KCNQ2: variants seen among roughly 807,000 people sequenced by gnomAD.
KCNQ2 encodes potassium voltage-gated channel subfamily Q member 2, also known as potassium voltage-gated channel subfamily KQT member 2.
A neutral mutation model predicts 84.8 loss-of-function variants in KCNQ2; 14 were observed. The observed-to-expected ratio is 0.17, with a 90% CI of 0.11 to 0.26. KCNQ2 has a LOEUF of 0.26. Ranked by LOEUF, KCNQ2 falls within the 10% of genes least tolerant of loss-of-function variation. The pLI, the probability that KCNQ2 is intolerant of heterozygous loss-of-function variation, is 1.00. For synonymous variants in KCNQ2, 599 were observed against 554.1 expected (o/e 1.08, Z -1.14); for missense variants, 788 against 1,254.0 (o/e 0.63, Z 5.61).
rs1600750516 is a variant in KCNQ2 at position 63,438,553 on chromosome 20, C to T, written c.1023+72G>A. On this transcript the variant is annotated intron_variant, in intron 7 of 16. Transcript: ENST00000359125. This position sits in a 1 kb window ranked among gnomAD's most constrained non-coding sequence, Gnocchi z 5.1. ...AGACAGGGCAATGCCAAAGCCCCAG[C>T]GGCCTCCACTCCTCAACAAGGTGGG... 2.0e-5 allele frequency: 25 copies of T among 1,277,254 alleles called. No individual in the cohort carries two copies. In the Middle Eastern group the frequency reaches 9.9e-4, roughly 51 times the overall value. The allele number at this position is 1,277,254 out of a possible 1,614,324, so 79.1% of individuals were successfully genotyped here. A position where few individuals can be genotyped will look rare whatever the true frequency, so the allele number is the denominator to read the frequency against.
chr20:63,458,470 C>T (rs1272297627), intron 1 of KCNQ2, among the ~76,000 whole-genome samples: 1 of 152,224 alleles, frequency 6.6e-6, no homozygotes, highest in Non-Finnish European at 1.5e-5. Context: ...TCCTCTCCTA[C>T]CCGCAGGTCC....
intron 4 of KCNQ2, among the ~76,000 whole-genome samples, chr20:63,443,265 T>TCAC (rs2081292485): frequency 2.7e-4 from 2 of 7,374 alleles, no homozygotes; most frequent in Non-Finnish European, 5.9e-4. Flanking sequence ...ATCGCCACCA[T>TCAC]CATCACCACC....
intron 15 of KCNQ2, 59 bp downstream of exon 15, chr20:63,413,391 T>C: frequency 6.2e-7 from 1 of 1,605,484 alleles, no homozygotes; most frequent in Non-Finnish European, 8.5e-7. Flanking sequence ...ACAGTGGGCT[T>C]TGTCCCAGAA....
At chr20:63,435,750 GTGAACGGCTGCCAACTCTGGTT>G (rs1381600773) in intron 7 of KCNQ2, among the ~76,000 whole-genome samples, 1 of 152,238 alleles carries the variant, frequency 6.6e-6, no homozygotes, top group Non-Finnish European at 1.5e-5. Context: ...ATCTCAACCA[GTGAACGGCTGCCAACTCTGGTT>G]TTCAGCCTCA....
At chr20:63,456,720 GGCCCACGT>G (rs1339656988) in intron 1 of KCNQ2, among the ~76,000 whole-genome samples, 1 of 152,184 alleles carries the variant, frequency 6.6e-6, no homozygotes, top group African/African-American at 2.4e-5. Flanking sequence ...GACTCTCAGA[GGCCCACGT>G]GCGGATTGGC....
At position 63,415,764 on chromosome 20, in the gene KCNQ2, G is replaced by A. The variant is rs577710999; in HGVS notation, c.1302-638C>T. 8.5e-5 allele frequency among the ~76,000 whole-genome samples: 13 copies of A among 152,288 alleles called. No individual in the cohort carries two copies. In the South Asian group the frequency reaches 2.5e-3, roughly 29 times the overall value. On this transcript the variant is annotated intron_variant, in intron 12 of 16. Transcript: ENST00000359125. ...AACGGGCATCCCAAACACCGGGGCTGTGGCTCTTCCTCGGGCACCTCTGTC... is the reference window on the plus strand; with the variant it reads ...AACGGGCATCCCAAACACCGGGGCTATGGCTCTTCCTCGGGCACCTCTGTC...
chr20:63,453,149 G>C lies in KCNQ2; in HGVS notation c.297-6312C>G, dbSNP rs114414541. On this transcript the variant is annotated intron_variant, in intron 1 of 16. Coordinates refer to ENST00000359125, the MANE Select transcript of KCNQ2 (RefSeq NM_172107.4). ...GTGGACGTCGGCACAGCAGCACCAG[G>C]AAGGCCCTGTGTCGGGCACCCCAGG... 7.6e-3 allele frequency among the ~76,000 whole-genome samples: 1,157 copies of C among 152,260 alleles called. 14 individuals carry two copies. The highest frequency in any genetic ancestry group is 0.026 in the African/African-American group (1,099 of 41,538).
chr20:63,431,349 C>T lies in KCNQ2; in HGVS notation c.1139G>A (p.Gly380Glu). The T allele has an allele frequency of 6.2e-7, 1 of 1,613,740 alleles. No homozygotes were observed. The highest frequency in any genetic ancestry group is 8.5e-7 in the Non-Finnish European group (1 of 1,179,920). The change falls in exon 9 of 17, where the codon GGG becomes GAG. Residue 380 changes from glycine (G) to glutamate (E), a missense_variant. By Grantham distance (98) the Gly-to-Glu change is moderately conservative (BLOSUM62 -2). Around this residue, in one of 8 missense-constraint regions of KCNQ2, gnomAD observed 202 missense variants for 239.4 expected, o/e 0.84. Transcript: ENST00000359125. ...TCCATGCATTTCCTACCTGGAGGCC[C>T]CGTAGGTTTGAGTTTGCGAACTTTC... ...PMYSSQTQTY[G>E]ASRLIPPLNQ... is the part of the protein sequence containing the mutation.
At chr20:63,455,496 G>A (rs2081756146) in intron 1 of KCNQ2, among the ~76,000 whole-genome samples, 1 of 152,192 alleles carries the variant, frequency 6.6e-6, no homozygotes, top group African/African-American at 2.4e-5. Context: ...GCCATGGCGG[G>A]GATCAGGCAC....
At chr20:63,415,452 C>T (rs1202305202) in intron 12 of KCNQ2, among the ~76,000 whole-genome samples, 2 of 95,434 alleles carry the variant, frequency 2.1e-5, no homozygotes, top group Non-Finnish European at 4.3e-5. Flanking sequence ...GGGGAGGCCA[C>T]GGGGACCGAG....
chr20:63,455,988 G>A (rs576321882), intron 1 of KCNQ2, among the ~76,000 whole-genome samples: 2 of 64,412 alleles, frequency 3.1e-5, no homozygotes, highest in South Asian at 9.0e-4. Context: ...CCTCCGGGAG[G>A]CCCCTCTGCT....
chr20:63,426,060 C>T (rs1015829863), intron 10 of KCNQ2, among the ~76,000 whole-genome samples: 10 of 152,316 alleles, frequency 6.6e-5, no homozygotes, highest in Middle Eastern at 3.4e-3. Context: ...GATCGTTCCC[C>T]GTTTCCTAAA....
intron 12 of KCNQ2, among the ~76,000 whole-genome samples, chr20:63,417,790 C>T (rs867988555): frequency 1.3e-5 from 2 of 152,222 alleles, no homozygotes; most frequent in African/African-American, 2.4e-5. Flanking sequence ...GGGGACCCCC[C>T]GCTGACCACG....
chr20:63,434,229 A>G (rs1020707694), intron 7 of KCNQ2: 7 of 382,358 alleles, frequency 1.8e-5, no homozygotes, highest in Non-Finnish European at 2.8e-5. Flanking sequence ...CCTGGCGGGT[A>G]TCACCTGTCC....
In KCNQ2 at chr20:63,401,175, A is replaced by C; in HGVS notation, c.*5469T>G. The C allele has an allele frequency of 3.3e-6, 1 of 306,304 alleles. No homozygotes were observed. 19.0% of individuals were successfully genotyped at this position (306,304 alleles called of 1,614,324 possible). A position where few individuals can be genotyped will look rare whatever the true frequency, so the allele number is the denominator to read the frequency against. On this transcript the variant is annotated 3_prime_UTR_variant, in exon 17 of 17. Coordinates refer to ENST00000359125, the MANE Select transcript of KCNQ2 (RefSeq NM_172107.4). Reference sequence around the variant, plus strand: ...CCCAGAGCACACTCAACTCCACCCCACAAACGCCTTTTAAAACTCTGAAGA... The same window carrying C: ...CCCAGAGCACACTCAACTCCACCCCCCAAACGCCTTTTAAAACTCTGAAGA...
intron 1 of KCNQ2, among the ~76,000 whole-genome samples, chr20:63,453,351 C>G (rs1387770584): frequency 6.6e-6 from 1 of 152,358 alleles, no homozygotes; most frequent in East Asian, 1.9e-4. Context: ...GTGCCGAGGC[C>G]CAGGCAGACA....
rs911372931 is a variant in KCNQ2 at position 63,410,866 on chromosome 20, G to A, written c.1764-2330C>T. On this transcript the variant is annotated intron_variant, in intron 15 of 16. Coordinates refer to ENST00000359125, the MANE Select transcript of KCNQ2 (RefSeq NM_172107.4). ...TGCCCTGAGCTGTCAGGGAAGGCCA[G>A]GGGTCTATGCTCAGCCTCCAGGCCT... 4 of 356,846 alleles carry A rather than the reference G, an allele frequency of 1.1e-5. No homozygotes were observed. The Admixed American group carries it at 1.1e-4, about 10-fold the overall frequency. The allele number at this position is 356,846 out of a possible 1,614,324, so 22.1% of individuals were successfully genotyped here. A position where few individuals can be genotyped will look rare whatever the true frequency, so the allele number is the denominator to read the frequency against.
rs1444063910 is a variant in KCNQ2, at chr20:63,404,370, GTGGGGC to G, written c.*2268_*2273del. On this transcript the variant is annotated 3_prime_UTR_variant, in exon 17 of 17. Transcript: ENST00000359125. Reference sequence around the variant, plus strand: ...ACCTTGGGGGGGGAGGAAAGAGCAGGTGGGGCCATACTGGTGGGGGAGGAAAGAGCA... The same window carrying G: ...ACCTTGGGGGGGGAGGAAAGAGCAGGCATACTGGTGGGGGAGGAAAGAGCA... The G allele has an allele frequency of 1.4e-5, 2 of 145,636 alleles. No individual in the cohort carries two copies. Among genetic ancestry groups the G allele is most frequent in the African/African-American group, 5.5e-5 (2 of 36,676 alleles). 9.0% of individuals were successfully genotyped at this position (145,636 alleles called of 1,614,324 possible).
At position 63,425,435 on chromosome 20, in the gene KCNQ2, G is replaced by A. The variant is rs373559512; in HGVS notation, c.1218-1229C>T. 2.6e-5 allele frequency among the ~76,000 whole-genome samples: 4 copies of A among 152,028 alleles called. No individual in the cohort carries two copies. Among genetic ancestry groups the A allele is most frequent in the East Asian group, 1.9e-4 (1 of 5,180 alleles). On this transcript the variant is annotated intron_variant, in intron 10 of 16. Transcript: ENST00000359125. The surrounding 1 kb of genome is among the most constrained non-coding windows in gnomAD (Gnocchi z 5.5). ...CCAAAACCTCATCGAAATCCCATCC[G>A]TTGGCCAGGCACAGTGGCTCACACC... is the stretch of plus-strand genomic sequence containing the variant.
Sources: gnomAD v4.1 joint callset for allele counts (sites outside exome capture counted in the v4.1 genomes callset) on GRCh38, gnomAD v4.1.1 for gene constraint, gnomAD v4.1.1 regional missense constraint, Gnocchi (gnomAD v3.1) non-coding constraint, MANE v1.5 for transcripts, NCBI Gene and HGNC (gene_info 2026-07-23, HGNC 2026-07-21) for gene names.